Variants in NCKAP5 observed in about 807,000 individuals in gnomAD.
The protein encoded by NCKAP5 is NCK associated protein 5.
A neutral mutation model predicts 167.0 loss-of-function variants in NCKAP5; 92 were observed. That is an observed-to-expected ratio of 0.55 (90% CI 0.47 to 0.66). The LOEUF is 0.66. Ranked by LOEUF, NCKAP5 falls within the 30% of genes least tolerant of loss-of-function variation. The probability of loss-of-function intolerance (pLI) is 0.00; values close to 1 mark genes in which losing one functional copy is unlikely to be tolerated. For missense variants in NCKAP5, 2,378 were observed against 2,315.0 expected (o/e 1.03, Z -0.56); for synonymous variants, 891 against 877.4 (o/e 1.02, Z -0.27).
intron 8 of NCKAP5, among the ~76,000 whole-genome samples, chr2:132,941,500 G>T (rs1484438501): frequency 3.3e-5 from 5 of 151,960 alleles, no homozygotes; most frequent in Non-Finnish European, 4.4e-5. Flanking sequence ...TTCCACTGGG[G>T]CGGCAGAACT....
At chr2:133,077,705 C>A (rs931497060) in intron 6 of NCKAP5, among the ~76,000 whole-genome samples, 3 of 152,196 alleles carry the variant, frequency 2.0e-5, no homozygotes, top group South Asian at 2.1e-4. Flanking sequence ...CAAGGCTAGG[C>A]TTTTCTGATA....
rs1034699009 is a variant in NCKAP5 at position 133,515,746 on chromosome 2, C to T, written c.69+1712G>A. Among the ~76,000 whole-genome samples, 5 of 152,312 alleles carry T rather than the reference C, an allele frequency of 3.3e-5. No individual in the cohort carries two copies. In the East Asian group the frequency reaches 9.7e-4, roughly 29 times the overall value. On this transcript the variant is annotated intron_variant, in intron 3 of 19. Transcript: ENST00000409261. ...AAATATGAGCATTGACACTGTTTCC[C>T]TTTTTCCGATCTGCAAGTACCTACG...
At chr2:133,606,632 G>A in the NCKAP5 span, among the ~76,000 whole-genome samples, 2 of 150,940 alleles carry the variant, frequency 1.3e-5, no homozygotes, top group African/African-American at 4.9e-5. Context: ...CATAGAGCGG[G>A]ACAGGGCCTA....
At chr2:133,163,930 C>T (rs2083900635) in intron 5 of NCKAP5, among the ~76,000 whole-genome samples, 1 of 152,120 alleles carries the variant, frequency 6.6e-6, no homozygotes, top group African/African-American at 2.4e-5. Flanking sequence ...GTCTGTTTTG[C>T]AAATGTGGAT....
intron 6 of NCKAP5, among the ~76,000 whole-genome samples, chr2:133,116,828 A>C (rs942066128): frequency 6.6e-6 from 1 of 152,140 alleles, no homozygotes; most frequent in Admixed American, 6.6e-5. Flanking sequence ...TATTTTCTTT[A>C]TTTATCAAAT....
intron 8 of NCKAP5, among the ~76,000 whole-genome samples, chr2:132,961,492 G>A (rs2076509379): frequency 6.6e-6 from 1 of 152,026 alleles, no homozygotes; most frequent in Admixed American, 6.6e-5. Context: ...GAAACAAGCA[G>A]TGACACTATG....
chr2:133,440,304 A>G (rs1479925623), intron 3 of NCKAP5, among the ~76,000 whole-genome samples: 1 of 152,212 alleles, frequency 6.6e-6, no homozygotes, highest in Non-Finnish European at 1.5e-5. Context: ...GCATAAAAAT[A>G]CAAATAGTAC....
At chr2:132,848,802 C>T (rs1688865652) in intron 11 of NCKAP5, among the ~76,000 whole-genome samples, 1 of 151,966 alleles carries the variant, frequency 6.6e-6, no homozygotes, top group South Asian at 2.1e-4. Flanking sequence ...TTGCTGCACT[C>T]CAGCCTGGGC....
chr2:132,861,478 CT>C (rs1162480077), intron 10 of NCKAP5, among the ~76,000 whole-genome samples: 2 of 146,144 alleles, frequency 1.4e-5, no homozygotes, highest in African/African-American at 5.2e-5. Context: ...TTCAAACTAT[CT>C]TTCACTACTT....
chr2:132,883,963 G>A lies in NCKAP5; in HGVS notation c.580-5047C>T, dbSNP rs571260274. Among the ~76,000 whole-genome samples the A allele has an allele frequency of 1.3e-5, 2 of 152,272 alleles. 1 individual carries two copies. Among genetic ancestry groups the A allele is most frequent in the Admixed American group, 1.3e-4 (2 of 15,300 alleles). ...AACCAGAATAGGGCACAAAAATGAG[G>A]AAAACTCCCGGAAAAAGTCTGTTTG... On this transcript the variant is annotated intron_variant, in intron 8 of 19. Transcript: ENST00000409261.
rs1339962810 is a variant in NCKAP5 at position 133,519,763 on chromosome 2, G to A, written c.-61-2176C>T. On this transcript the variant is annotated intron_variant, in intron 2 of 19. Transcript: ENST00000409261. Reference sequence around the variant, plus strand: ...CCTTACATGTTAGTGACACAGTCATGTACAAGAAAAACAAAGTCCCCGCCT... The same window carrying A: ...CCTTACATGTTAGTGACACAGTCATATACAAGAAAAACAAAGTCCCCGCCT... Among the ~76,000 whole-genome samples the A allele has an allele frequency of 2.6e-5, 4 of 152,194 alleles. No individual in the cohort carries two copies. The East Asian group carries it at 7.7e-4, about 29-fold the overall frequency.
intron 3 of NCKAP5, among the ~76,000 whole-genome samples, chr2:133,494,960 G>C (rs1053899011): frequency 2.6e-5 from 4 of 152,112 alleles, no homozygotes; most frequent in African/African-American, 9.7e-5. Context: ...GAGCTCTGAA[G>C]CCTGCTACCT....
intron 4 of NCKAP5, among the ~76,000 whole-genome samples, chr2:133,300,041 A>G (rs1427561478): frequency 7.1e-6 from 1 of 140,808 alleles, no homozygotes; most frequent in Non-Finnish European, 1.5e-5. Flanking sequence ...AAATGGATAC[A>G]TTCCTCGACA....
intron 8 of NCKAP5, among the ~76,000 whole-genome samples, chr2:132,938,514 C>T (rs1697025598): frequency 6.6e-6 from 1 of 152,158 alleles, no homozygotes; most frequent in African/African-American, 2.4e-5. Context: ...CATGTCATCT[C>T]AGACCGAGAC....
intron 6 of NCKAP5, among the ~76,000 whole-genome samples, chr2:133,108,443 G>A (rs35728150): frequency 0.034 from 5,141 of 152,184 alleles, 115 homozygotes; most frequent in Middle Eastern, 0.088. Flanking sequence ...GCAGTCACTC[G>A]CACACTACAA....
In NCKAP5 at chr2:132,963,018, GA is replaced by G. The variant is rs55838032; in HGVS notation, c.579+701del. ...TCGAAAGGACGTAAGTGAACTCATA[GA>G]AAAAAAAAATCTTTGCTGAGTCTTT... On this transcript the variant is annotated intron_variant, in intron 8 of 19. Coordinates refer to ENST00000409261, the MANE Select transcript of NCKAP5 (RefSeq NM_207363.3). 1.6e-3 allele frequency among the ~76,000 whole-genome samples: 241 copies of G among 150,302 alleles called. 1 individual carries two copies. The highest frequency in any genetic ancestry group is 2.6e-3 in the Admixed American group (39 of 15,128).
At chr2:133,221,861 AT>A (rs1389728600) in intron 4 of NCKAP5, among the ~76,000 whole-genome samples, 3 of 152,212 alleles carry the variant, frequency 2.0e-5, no homozygotes, top group African/African-American at 7.2e-5. Context: ...CTCTAACTTC[AT>A]TAAGTCTTTT....
intron 3 of NCKAP5, among the ~76,000 whole-genome samples, chr2:133,505,707 C>A (rs897348901): frequency 6.6e-6 from 1 of 152,318 alleles, no homozygotes; most frequent in Middle Eastern, 3.4e-3. Flanking sequence ...CCTCATTCTC[C>A]AGCCAACTCA....
chr2:133,319,457 AC>A (rs969314113), intron 3 of NCKAP5, among the ~76,000 whole-genome samples: 17 of 151,970 alleles, frequency 1.1e-4, no homozygotes, highest in Middle Eastern at 3.4e-3. Context: ...CCGGGATGTT[AC>A]CTTTTTTTTT....
Sources: allele counts gnomAD v4.1 joint callset (sites outside exome capture counted in the v4.1 genomes callset), GRCh38; gene constraint gnomAD v4.1.1; transcripts MANE v1.5; gene names NCBI Gene and HGNC (gene_info 2026-07-23, HGNC 2026-07-21).